NSF: variants seen among roughly 807,000 people sequenced by gnomAD.
NSF encodes N-ethylmaleimide sensitive factor, vesicle fusing ATPase, also known as vesicle-fusing ATPase.
In NSF, 14 loss-of-function variants were observed where a neutral mutation model predicts 50.3. That is an observed-to-expected ratio of 0.28 (90% CI 0.18 to 0.44). The LOEUF (loss-of-function observed/expected upper bound fraction) is 0.44, where lower values mean the gene tolerates loss of function less well. Ranked by LOEUF, NSF falls within the 20% of genes least tolerant of loss-of-function variation. The pLI is 1.00. For missense variants in NSF, 218 were observed against 504.3 expected (o/e 0.43, Z 5.44); for synonymous variants, 109 against 175.7 (o/e 0.62, Z 3.00).
chr17:46,625,987 G>A (rs1242747579), intron 2 of NSF, among the ~76,000 whole-genome samples: 1 of 147,114 alleles, frequency 6.8e-6, no homozygotes, highest in African/African-American at 2.6e-5. Context: ...AGATTATCAT[G>A]AGAGGACTGT....
At chr17:46,737,190 G>A (rs950387937) in intron 17 of NSF, among the ~76,000 whole-genome samples, 9 of 152,176 alleles carry the variant, frequency 5.9e-5, no homozygotes, top group African/African-American at 2.2e-4. Flanking sequence ...GTTCAATTGT[G>A]AAGTTTGTGC....
chr17:46,717,940 G>A (rs1487058775), intron 15 of NSF, among the ~76,000 whole-genome samples: 1 of 152,180 alleles, frequency 6.6e-6, no homozygotes, highest in African/African-American at 2.4e-5. Flanking sequence ...AAAGACCCTG[G>A]CCCAGAAGAA....
intron 17 of NSF, among the ~76,000 whole-genome samples, chr17:46,748,588 G>A (rs1488175427): frequency 6.6e-6 from 1 of 152,166 alleles, no homozygotes; most frequent in African/African-American, 2.4e-5. Context: ...GAAAAGGAAG[G>A]CTGGGATACA....
intron 15 of NSF, among the ~76,000 whole-genome samples, chr17:46,716,407 C>T (rs2058770032): frequency 6.6e-6 from 1 of 152,094 alleles, no homozygotes; most frequent in Non-Finnish European, 1.5e-5. Context: ...CAGGCACCCG[C>T]CACCATGCCT....
chr17:46,721,920 A>G (rs2058834783), intron 15 of NSF: 5 of 1,594,328 alleles, frequency 3.1e-6, no homozygotes, highest in East Asian at 4.5e-5. Flanking sequence ...TTTTTCTCCA[A>G]TTCGCGTACT....
intron 18 of NSF, among the ~76,000 whole-genome samples, chr17:46,750,825 A>G (rs1598740388): frequency 6.6e-6 from 1 of 151,998 alleles, no homozygotes; most frequent in East Asian, 1.9e-4. Context: ...TGGAACAATG[A>G]TTAAAGCCTT....
chr17:46,597,760 C>A, intron 1 of NSF, among the ~76,000 whole-genome samples: 1 of 110,186 alleles, frequency 9.1e-6, no homozygotes, highest in Admixed American at 9.2e-5. Flanking sequence ...TGAATTTTAT[C>A]AAATGTTTTT....
At chr17:46,743,052 C>T (rs2059092440) in intron 17 of NSF, among the ~76,000 whole-genome samples, 1 of 152,172 alleles carries the variant, frequency 6.6e-6, no homozygotes, top group South Asian at 2.1e-4. Context: ...ATGAGTCCTT[C>T]TGACTCTCTG....
Position 46,749,765 on chromosome 17 carries a change from A to G in NSF, c.1909-8A>G, listed in dbSNP as rs1193749169. 6.2e-7 allele frequency: 1 copy of G among 1,610,458 alleles called. No homozygotes were observed. Among genetic ancestry groups the G allele is most frequent in the South Asian group, 1.1e-5 (1 of 90,538 alleles). On this transcript the variant is annotated splice_polypyrimidine_tract_variant and splice_region_variant and intron_variant, in intron 17 of 20. Transcript: ENST00000398238. ...GTACATTTTAACACATTTTCTCCCT[A>G]TGATCAGGGCCGCAAGCTTCTTATC...
At chr17:46,755,172 C>A in intron 19 of NSF, 142 bp from the exon 20 acceptor site, 1 of 646,742 alleles carries the variant, frequency 1.5e-6, no homozygotes. Context: ...TGTGAGAATG[C>A]TGGTCAAGGA....
At chr17:46,742,829 A>C (rs2059089205) in intron 17 of NSF, among the ~76,000 whole-genome samples, 1 of 152,242 alleles carries the variant, frequency 6.6e-6, no homozygotes, top group Admixed American at 6.5e-5. Flanking sequence ...TTGAAGATAA[A>C]TGCAGAGAAG....
intron 15 of NSF, among the ~76,000 whole-genome samples, chr17:46,725,281 C>T (rs2058876700): frequency 6.6e-6 from 1 of 152,122 alleles, no homozygotes; most frequent in Non-Finnish European, 1.5e-5. Context: ...ATAACATGAA[C>T]AGAATAAAGC....
intron 17 of NSF, among the ~76,000 whole-genome samples, chr17:46,730,227 C>G (rs1342594655): frequency 6.6e-6 from 1 of 152,092 alleles, no homozygotes; most frequent in African/African-American, 2.4e-5. Flanking sequence ...CACAAAAAAA[C>G]TTTATGTCAG....
chr17:46,712,717 AC>A (rs1948570413), intron 14 of NSF, among the ~76,000 whole-genome samples: 1 of 152,142 alleles, frequency 6.6e-6, no homozygotes, highest in South Asian at 2.1e-4. Flanking sequence ...GTGGGTTGAG[AC>A]GAAAAGGAGG....
At position 46,726,567 on chromosome 17, in the gene NSF, A is replaced by C; in HGVS notation, c.1780A>C (p.Lys594Gln). 6.2e-7 allele frequency: 1 copy of C among 1,614,020 alleles called. No individual in the cohort carries two copies. The highest frequency in any genetic ancestry group is 8.5e-7 in the Non-Finnish European group (1 of 1,179,890). Residue 594 changes from lysine to glutamine, a missense_variant, in exon 16 of 21, where the codon AAA becomes CAA. Physicochemically the swap from Lys to Gln is moderately conservative, Grantham distance 53. Around this residue, in one of 2 missense-constraint regions of NSF, gnomAD observed 209 missense variants for 320.9 expected, o/e 0.65. Coordinates refer to ENST00000398238, the MANE Select transcript of NSF (RefSeq NM_006178.4). Reference protein sequence around the residue: ...AMKKIFDDAYKSQLSCVVVDD... With the variant: ...AMKKIFDDAYQSQLSCVVVDD... Reference sequence around the variant, plus strand: ...CTTTCAGATCTTTGATGATGCGTACAAATCCCAGCTCAGTTGTGTGGTTGT... The same window carrying C: ...CTTTCAGATCTTTGATGATGCGTACCAATCCCAGCTCAGTTGTGTGGTTGT...
chr17:46,749,810 A>G lies in NSF; in HGVS notation c.1946A>G (p.Lys649Arg). The stretch of plus-strand genomic sequence containing the variant: ...CTTATCATTGGGACCACTAGCCGCA[A>G]AGATGTCCTTCAGGAGATGGAAATG... ...KLLIIGTTSRKDVLQEMEMLN... is the reference protein window; with the variant it reads ...KLLIIGTTSRRDVLQEMEMLN... Residue 649 changes from lysine (K) to arginine (R), a missense_variant, in exon 18 of 21, where the codon AAA becomes AGA. By Grantham distance (26) the Lys-to-Arg change is conservative. Coordinates refer to ENST00000398238, the MANE Select transcript of NSF (RefSeq NM_006178.4). 1 of 1,614,068 alleles carries G rather than the reference A, an allele frequency of 6.2e-7. No individual in the cohort carries two copies. The highest frequency in any genetic ancestry group is 1.6e-4 in the Middle Eastern group (1 of 6,062).
chr17:46,726,497 TGTC>T, intron 15 of NSF, 49 bp from the exon 16 acceptor site: 7 of 1,537,668 alleles, frequency 4.6e-6, no homozygotes, highest in Non-Finnish European at 6.3e-6. Context: ...TCTTGGAAAT[TGTC>T]GTAACTGTGG....
At chr17:46,751,699 G>T in intron 19 of NSF, 83 bp downstream of exon 19, 3 of 740,596 alleles carry the variant, frequency 4.1e-6, no homozygotes, top group South Asian at 2.9e-5. Context: ...CCTTTGCCAA[G>T]GTTTTAATTA....
intron 4 of NSF, among the ~76,000 whole-genome samples, chr17:46,633,957 G>A (rs1202484684): frequency 4.6e-5 from 2 of 43,430 alleles, no homozygotes; most frequent in African/African-American, 3.2e-4. Flanking sequence ...CTGCAGCCTC[G>A]CCTCCCAGGT....
Sources: allele counts gnomAD v4.1 joint callset (sites outside exome capture counted in the v4.1 genomes callset), GRCh38; gene constraint gnomAD v4.1.1; regional missense constraint gnomAD v4.1.1; transcripts MANE v1.5; gene names NCBI Gene and HGNC (gene_info 2026-07-23, HGNC 2026-07-21).